Variants in WDR62 observed in about 807,000 individuals in gnomAD.
The protein encoded by WDR62 is WD repeat-containing protein 62.
A neutral mutation model predicts 160.6 loss-of-function variants in WDR62; 112 were observed. That is an observed-to-expected ratio of 0.70 (90% confidence interval 0.60 to 0.82). WDR62 has a LOEUF of 0.82. Ranked by LOEUF, WDR62 falls within the 40% of genes least tolerant of loss-of-function variation. The probability of loss-of-function intolerance (pLI) is 0.00; values close to 1 mark genes in which losing one functional copy is unlikely to be tolerated. For synonymous variants in WDR62, 792 were observed against 815.1 expected (o/e 0.97, Z 0.48); for missense variants, 1,819 against 1,983.8 (o/e 0.92, Z 1.58).
At chr19:36,080,592 G>A (rs1971838923) in intron 9 of WDR62, among the ~76,000 whole-genome samples, 2 of 151,790 alleles carry the variant, frequency 1.3e-5, no homozygotes, top group Admixed American at 1.3e-4. Context: ...CCGAGTAGCT[G>A]GGATTACAGG....
At chr19:36,067,676 C>G (rs1168341719) in intron 6 of WDR62, 152 bp from the exon 7 acceptor site, 3 of 1,055,520 alleles carry the variant, frequency 2.8e-6, no homozygotes, top group Non-Finnish European at 4.2e-6. Flanking sequence ...TGTCCAGCCC[C>G]TCTGTCCAGA....
At chr19:36,067,674 C>T (rs1599760527) in intron 6 of WDR62, among the ~76,000 whole-genome samples, 154 bp from the exon 7 acceptor site, 1 of 152,236 alleles carries the variant, frequency 6.6e-6, no homozygotes, top group African/African-American at 2.4e-5. Flanking sequence ...GCTGTCCAGC[C>T]CCTCTGTCCA....
At chr19:36,057,832 G>A (rs917989575) in intron 1 of WDR62, among the ~76,000 whole-genome samples, 1 of 152,132 alleles carries the variant, frequency 6.6e-6, no homozygotes, top group Non-Finnish European at 1.5e-5. Flanking sequence ...CAAATTTCTG[G>A]ACTGTGAATC....
chr19:36,085,629 G>T (rs1250265366), intron 12 of WDR62, among the ~76,000 whole-genome samples: 1 of 151,910 alleles, frequency 6.6e-6, no homozygotes, highest in Non-Finnish European at 1.5e-5. Flanking sequence ...TTTTAGTACA[G>T]ACGGGGTTTC....
Position 36,103,218 on chromosome 19 carries a change from C to T in WDR62, c.3514+11C>T. 1 of 1,613,366 alleles carries T rather than the reference C, an allele frequency of 6.2e-7. No individual in the cohort carries two copies. The highest frequency in any genetic ancestry group is 8.5e-7 in the Non-Finnish European group (1 of 1,179,982). Reference sequence around the variant, plus strand: ...CCTGGCGCCCACCACGTGAGTGCCCCAGTCCCAGACGGACAGTCCTGGGTT... The same window carrying T: ...CCTGGCGCCCACCACGTGAGTGCCCTAGTCCCAGACGGACAGTCCTGGGTT... On this transcript the variant is annotated intron_variant, in intron 29 of 31. Transcript: ENST00000401500.
At chr19:36,063,379 G>A (rs1458051638) in intron 3 of WDR62, among the ~76,000 whole-genome samples, 4 of 152,140 alleles carry the variant, frequency 2.6e-5, no homozygotes, top group African/African-American at 9.7e-5. Context: ...CTCCTGAGTA[G>A]CTGGGACTAC....
At chr19:36,057,085 G>T (rs1214905840) in intron 1 of WDR62, among the ~76,000 whole-genome samples, 1 of 152,134 alleles carries the variant, frequency 6.6e-6, no homozygotes, top group Admixed American at 6.5e-5. Flanking sequence ...AAAGTGCTAG[G>T]ATTACAGGCG....
chr19:36,097,586 A>C (rs1160085383), intron 21 of WDR62, among the ~76,000 whole-genome samples: 1 of 152,146 alleles, frequency 6.6e-6, no homozygotes, highest in East Asian at 1.9e-4. Flanking sequence ...GTCTCAAAAA[A>C]GAGAAAAAGA....
intron 9 of WDR62, 148 bp downstream of exon 9, chr19:36,073,679 C>A: frequency 1.4e-6 from 1 of 735,020 alleles, no homozygotes; most frequent in Non-Finnish European, 2.4e-6. Flanking sequence ...GACACAGACA[C>A]AAAATCCCTG....
intron 12 of WDR62, among the ~76,000 whole-genome samples, 176 bp downstream of exon 12, chr19:36,084,920 G>A (rs1599800331): frequency 6.6e-6 from 1 of 152,272 alleles, no homozygotes; most frequent in South Asian, 2.1e-4. Context: ...ACTTCAGAAA[G>A]CAAGACACCC....
rs989923122 is a variant in WDR62, at chr19:36,091,305, C to A, written c.2140C>A (p.His714Asn). 6.2e-7 allele frequency: 1 copy of A among 1,614,038 alleles called. No homozygotes were observed. The highest frequency in any genetic ancestry group is 1.1e-5 in the South Asian group (1 of 91,070). Residue 714 changes from histidine to asparagine, a missense_variant, in exon 17 of 32, where the codon CAT (histidine) becomes AAT (asparagine). Physicochemically the swap from His to Asn is moderately conservative, Grantham distance 68. Around this residue, in one of 3 missense-constraint regions of WDR62, gnomAD observed 934 missense variants for 1,157.2 expected, o/e 0.81. Transcript: ENST00000401500. ...CGAGTGCATTGCCAAGATGTTTGGCCATTCAGGTGGGTGTGCCTCTCTGCT... is the reference window on the plus strand; with the variant it reads ...CGAGTGCATTGCCAAGATGTTTGGCAATTCAGGTGGGTGTGCCTCTCTGCT... ...SGECIAKMFG[H>N]SEIITSMKFT...
chr19:36,097,177 T>C (rs1973023992), intron 21 of WDR62, 98 bp downstream of exon 21: 1 of 1,182,878 alleles, frequency 8.5e-7, no homozygotes, highest in Non-Finnish European at 1.2e-6. Flanking sequence ...TGTCCCTCTT[T>C]TCCCTGGAGA....
At position 36,074,639 on chromosome 19, in the gene WDR62, A is replaced by C. The variant is rs571413459; in HGVS notation, c.1233+1108A>C. On this transcript the variant is annotated intron_variant, in intron 9 of 31. Transcript: ENST00000401500. The stretch of plus-strand genomic sequence containing the variant: ...CAGTGGCCAGATTCAGGATCGTGAG[A>C]AAGAACTTTGTCCTTTTGAATAGGC... Among the ~76,000 whole-genome samples, 3 of 152,292 alleles carry C rather than the reference A, an allele frequency of 2.0e-5. No individual in the cohort carries two copies. The South Asian group carries it at 6.2e-4, about 32-fold the overall frequency.
rs566171640 is a variant in WDR62, at chr19:36,099,205, G to A, written c.2521-194G>A. 3.4e-5 allele frequency among the ~76,000 whole-genome samples: 4 copies of A among 117,850 alleles called. No individual in the cohort carries two copies. In the East Asian group the frequency reaches 1.0e-3, roughly 30 times the overall value. The allele number at this position is 117,850 out of a possible 152,430, so 77.3% of individuals were successfully genotyped here. A position where few individuals can be genotyped will look rare whatever the true frequency, so the allele number is the denominator to read the frequency against. ...CCACTGCACTCCAGCCTGGGAGACA[G>A]AGCAAGACTTCGTCTCAAAAAAAAA... On this transcript the variant is annotated intron_variant, in intron 21 of 31. Transcript: ENST00000401500.
intron 7 of WDR62, chr19:36,071,213 AAAAAT>A: frequency 3.6e-6 from 1 of 275,282 alleles, no homozygotes; most frequent in Non-Finnish European, 7.1e-6. Context: ...AAAAAAAAAA[AAAAAT>A]TTAAGCCTAA....
intron 3 of WDR62, among the ~76,000 whole-genome samples, chr19:36,064,402 A>G (rs1970824380): frequency 6.6e-6 from 1 of 151,756 alleles, no homozygotes; most frequent in Non-Finnish European, 1.5e-5. Context: ...CAGCCTCCCA[A>G]GTAGCTGGGA....
intron 22 of WDR62, 60 bp from the exon 23 acceptor site, chr19:36,100,688 C>G: frequency 6.2e-7 from 1 of 1,608,780 alleles, no homozygotes. Context: ...TGGTTCCTGG[C>G]GCACTGTTGG....
In WDR62 at chr19:36,055,140, C is replaced by T; in HGVS notation, c.169C>T (p.Gln57Ter). The T allele has an allele frequency of 6.2e-7, 1 of 1,608,136 alleles. No homozygotes were observed. The highest frequency in any genetic ancestry group is 8.5e-7 in the Non-Finnish European group (1 of 1,178,208). The change falls in exon 1 of 32, where the codon CAG (glutamine) becomes TAG (stop). Residue 57 changes from glutamine to a stop codon, truncating the protein, a stop_gained. Transcript: ENST00000401500. LOFTEE classifies it high-confidence loss of function. ...RLSTASEETV[Q>*]NRVSLEKVLG... ...CTCGACGGCCTCCGAGGAGACGGTG[C>T]AGAACCGGGTGAGAAGCTGCTCGCC...
At chr19:36,100,161 G>C (rs1399741684) in intron 22 of WDR62, among the ~76,000 whole-genome samples, 2 of 152,184 alleles carry the variant, frequency 1.3e-5, no homozygotes, top group Non-Finnish European at 2.9e-5. Context: ...TTCTGCCCCA[G>C]AGGGCTTTTA....
Sources: gnomAD v4.1 joint callset for allele counts (sites outside exome capture counted in the v4.1 genomes callset) on GRCh38, gnomAD v4.1.1 for gene constraint, gnomAD v4.1.1 regional missense constraint, MANE v1.5 for transcripts, NCBI Gene and HGNC (gene_info 2026-07-23, HGNC 2026-07-21) for gene names.